The following CPLX2 variants were observed in gnomAD, a reference collection of about 807,000 sequenced individuals.
CPLX2 encodes complexin 2, also known as complexin-2.
A neutral mutation model predicts 16.3 loss-of-function variants in CPLX2; 5 were observed. The observed-to-expected ratio is 0.31, with a 90% CI of 0.16 to 0.64. CPLX2 has a LOEUF of 0.64. Ranked by LOEUF, CPLX2 falls within the 30% of genes least tolerant of loss-of-function variation. The pLI is 0.79. For missense variants in CPLX2, 144 were observed against 181.4 expected, an observed-to-expected ratio of 0.79 and a Z score of 1.18; for synonymous variants, 89 against 73.2, an observed-to-expected ratio of 1.22 and a Z score of -1.10.
intron 3 of CPLX2, 92 bp from the exon 4 acceptor site, chr5:175,879,756 G>T: frequency 8.0e-7 from 1 of 1,247,686 alleles, no homozygotes; most frequent in Non-Finnish European, 1.1e-6. Context: ...AGGCACTCCT[G>T]GCCACCTCAG....
intron 2 of CPLX2, among the ~76,000 whole-genome samples, chr5:175,811,690 A>G (rs1458013055): frequency 1.3e-5 from 2 of 151,786 alleles, no homozygotes; most frequent in Non-Finnish European, 2.9e-5. Context: ...CTCATAGCAC[A>G]GGGGAGACTT....
chr5:175,803,832 T>A (rs1758144640), intron 1 of CPLX2, among the ~76,000 whole-genome samples: 1 of 152,236 alleles, frequency 6.6e-6, no homozygotes, highest in Admixed American at 6.5e-5. Context: ...CTAGAGCAGG[T>A]CAGCCAAGGG....
At chr5:175,850,695 A>G (rs78978107) in intron 2 of CPLX2, among the ~76,000 whole-genome samples, 11,502 of 152,092 alleles carry the variant, frequency 0.076, 506 homozygotes, top group Non-Finnish European at 0.098. Flanking sequence ...CACTCATTTG[A>G]CCGAGGGCAC....
chr5:175,816,477 T>C (rs1252763665), intron 2 of CPLX2, among the ~76,000 whole-genome samples: 1 of 152,228 alleles, frequency 6.6e-6, no homozygotes, highest in Admixed American at 6.5e-5. Flanking sequence ...ACAGTCACTC[T>C]TAATACCTCA....
chr5:175,831,583 A>G (rs934858017), intron 2 of CPLX2, among the ~76,000 whole-genome samples: 1 of 152,164 alleles, frequency 6.6e-6, no homozygotes, highest in Non-Finnish European at 1.5e-5. Context: ...ATTGACTATG[A>G]TTCAACAAAC....
intron 1 of CPLX2, among the ~76,000 whole-genome samples, chr5:175,804,705 CCCCCGGTGATTGACACA>C (rs1468308818): frequency 6.6e-6 from 1 of 152,122 alleles, no homozygotes; most frequent in Non-Finnish European, 1.5e-5. Flanking sequence ...TTAACAAGAC[CCCCCGGTGATTGACACA>C]CCCCGGTGAT....
At chr5:175,868,188 C>A (rs1581100015), upstream of CPLX2, among the ~76,000 whole-genome samples, 1 of 152,196 alleles carries the variant, frequency 6.6e-6, no homozygotes. Flanking sequence ...TTCCTAGACA[C>A]CCCCTCACCT....
At chr5:175,835,086 A>G (rs973676842) in intron 2 of CPLX2, among the ~76,000 whole-genome samples, 1 of 152,216 alleles carries the variant, frequency 6.6e-6, no homozygotes, top group Non-Finnish European at 1.5e-5. Context: ...CAATTTTAAG[A>G]TATGTTTGAA....
At chr5:175,820,074 C>A (rs926266697) in intron 2 of CPLX2, among the ~76,000 whole-genome samples, 1 of 152,206 alleles carries the variant, frequency 6.6e-6, no homozygotes, top group Admixed American at 6.5e-5. Context: ...GTGTCCCCAG[C>A]CTGAGACTGT....
intron 2 of CPLX2, among the ~76,000 whole-genome samples, chr5:175,823,936 G>C (rs1055140024): frequency 6.6e-6 from 1 of 152,184 alleles, no homozygotes; most frequent in Non-Finnish European, 1.5e-5. Flanking sequence ...AGACTGAATA[G>C]GTATTGAAAT....
At chr5:175,822,554 A>G (rs983086342) in intron 2 of CPLX2, among the ~76,000 whole-genome samples, 2 of 152,258 alleles carry the variant, frequency 1.3e-5, no homozygotes, top group African/African-American at 4.8e-5. Flanking sequence ...CTGAAGGGAA[A>G]AGGGAAAGTC....
chr5:175,838,230 A>T (rs1027705686), intron 2 of CPLX2, among the ~76,000 whole-genome samples: 3 of 146,922 alleles, frequency 2.0e-5, no homozygotes, highest in Non-Finnish European at 4.5e-5. Flanking sequence ...TCCTGCATGG[A>T]GGGCAGCTGT....
At chr5:175,811,197 A>G (rs942629570) in intron 2 of CPLX2, among the ~76,000 whole-genome samples, 8 of 152,230 alleles carry the variant, frequency 5.3e-5, no homozygotes, top group African/African-American at 1.9e-4. Flanking sequence ...CCAGATCTTA[A>G]AGCTGGAGGA....
Position 175,830,442 on chromosome 5 carries a change from G to A in CPLX2, c.-89+21374G>A, listed in dbSNP as rs55926632. ...TCTCCTTCCCCGCCCCCGGAGGTGC[G>A]TGATGCCCCCACAGAGGAGAGTGAA... On this transcript the variant is annotated intron_variant, in intron 2 of 4. Transcript: ENST00000359546. The surrounding 1 kb of genome is among the most constrained non-coding windows in gnomAD (Gnocchi z 4.0). Among the ~76,000 whole-genome samples the A allele has an allele frequency of 0.056, 8,525 of 152,262 alleles. 272 individuals carry two copies. Among genetic ancestry groups the A allele is most frequent in the Middle Eastern group, 0.12 (35 of 294 alleles).
intron 2 of CPLX2, among the ~76,000 whole-genome samples, chr5:175,839,913 A>G (rs545591672): frequency 2.0e-5 from 3 of 152,378 alleles, no homozygotes; most frequent in South Asian, 4.1e-4. Flanking sequence ...GTACTGCCAA[A>G]TGTGGCATTT....
upstream of CPLX2, among the ~76,000 whole-genome samples, chr5:175,867,499 T>C (rs1296334669): frequency 6.6e-6 from 1 of 152,130 alleles, no homozygotes; most frequent in Non-Finnish European, 1.5e-5. Context: ...TCTATGTAAA[T>C]GGTGCCCTCT....
chr5:175,816,503 T>G (rs181418977), intron 2 of CPLX2, among the ~76,000 whole-genome samples: 1 of 152,350 alleles, frequency 6.6e-6, no homozygotes, highest in Non-Finnish European at 1.5e-5. Flanking sequence ...GAAGTGACAC[T>G]GATTGATTCT....
At position 175,822,716 on chromosome 5, in the gene CPLX2, G is replaced by C. The variant is rs976699669; in HGVS notation, c.-89+13648G>C. On this transcript the variant is annotated intron_variant, in intron 2 of 4. Transcript: ENST00000359546. Reference sequence around the variant, plus strand: ...CAGCCATCTCCTTCCTATCAGCTGAGCAACTCCAGTGAAAATCGGGCACCC... The same window carrying C: ...CAGCCATCTCCTTCCTATCAGCTGACCAACTCCAGTGAAAATCGGGCACCC... Among the ~76,000 whole-genome samples, 4 of 152,230 alleles carry C rather than the reference G, an allele frequency of 2.6e-5. No individual in the cohort carries two copies. In the East Asian group the frequency reaches 5.8e-4, roughly 22 times the overall value.
At chr5:175,799,562 A>T (rs941440544) in intron 1 of CPLX2, among the ~76,000 whole-genome samples, 1 of 141,130 alleles carries the variant, frequency 7.1e-6, no homozygotes, top group Admixed American at 7.0e-5. Flanking sequence ...ATATATATAT[A>T]TATATATATA....
Sources: allele counts gnomAD v4.1 joint callset (sites outside exome capture counted in the v4.1 genomes callset), GRCh38; gene constraint gnomAD v4.1.1; non-coding constraint Gnocchi (gnomAD v3.1); transcripts MANE v1.5; gene names NCBI Gene and HGNC (gene_info 2026-07-23, HGNC 2026-07-21).